Variants in VCL observed in about 807,000 individuals in gnomAD.
The protein encoded by VCL is vinculin.
A neutral mutation model predicts 125.7 loss-of-function variants in VCL; 47 were observed. The ratio of observed to expected loss-of-function variants is 0.37; its 90% CI spans 0.30 to 0.48. The LOEUF (loss-of-function observed/expected upper bound fraction) is 0.48, where lower values mean the gene tolerates loss of function less well. Among genes scored for constraint, VCL ranks in the 20% least tolerant of loss-of-function variants. VCL has a pLI of 0.99. For synonymous variants in VCL, 458 were observed against 514.6 expected, an observed-to-expected ratio of 0.89 and a Z score of 1.49; for missense variants, 1,069 against 1,455.5, an observed-to-expected ratio of 0.73 and a Z score of 4.32.
rs1418474693 is a variant in VCL, at chr10:74,120,094, A to T, written c.*1925A>T. 9 of 151,440 alleles carry T rather than the reference A, an allele frequency of 5.9e-5. No individual in the cohort carries two copies. Among genetic ancestry groups the T allele is most frequent in the African/African-American group, 1.9e-4 (8 of 41,402 alleles). The allele number at this position is 151,440 out of a possible 1,614,324, so 9.4% of individuals were successfully genotyped here. A position where few individuals can be genotyped will look rare whatever the true frequency, so the allele number is the denominator to read the frequency against. ...CTACATTTATAAGCTAGGATTTGTT[A>T]TATGCAAATATTTTCTGCCTCTTCT... On this transcript the variant is annotated 3_prime_UTR_variant, in exon 22 of 22. Transcript: ENST00000211998.
intron 10 of VCL, among the ~76,000 whole-genome samples, chr10:74,093,524 C>CTATA (rs1352385132): frequency 1.3e-5 from 2 of 152,114 alleles, no homozygotes; most frequent in African/African-American, 4.8e-5. Flanking sequence ...TAGGTCATGC[C>CTATA]TATAATCCCA....
intron 18 of VCL, among the ~76,000 whole-genome samples, chr10:74,109,456 T>C (rs1181134952): frequency 6.6e-6 from 1 of 152,240 alleles, no homozygotes; most frequent in Admixed American, 6.5e-5. Context: ...TGGGGTCTTT[T>C]AGAAATTGCT....
At chr10:74,078,301 T>C (rs1839623869) in intron 6 of VCL, among the ~76,000 whole-genome samples, 1 of 152,190 alleles carries the variant, frequency 6.6e-6, no homozygotes, top group African/African-American at 2.4e-5. Context: ...GTGACTCAGA[T>C]GCCTTATACA....
intron 1 of VCL, among the ~76,000 whole-genome samples, chr10:74,000,398 G>T (rs560740695): frequency 6.6e-6 from 1 of 151,420 alleles, no homozygotes; most frequent in South Asian, 2.1e-4. Context: ...CCAAGTAGCT[G>T]AAGGCCTTTG....
rs1313842676 is a variant in VCL, at chr10:74,107,304, C to T, written c.2509C>T (p.Pro837Ser). 1.9e-6 allele frequency: 3 copies of T among 1,614,210 alleles called. No individual in the cohort carries two copies. Among genetic ancestry groups the T allele is most frequent in the Non-Finnish European group, 2.5e-6 (3 of 1,180,034 alleles). ...GGCCAAGGTCAGAGAAGCCTTCCAA[C>T]CTCAGGAGCCTGACTTCCCGCCGCC... is the stretch of plus-strand genomic sequence containing the variant. Reference protein sequence around the residue: ...AVAKVREAFQPQEPDFPPPPP... With the variant: ...AVAKVREAFQSQEPDFPPPPP... The change falls in exon 17 of 22, where the codon CCT becomes TCT. Residue 837 changes from proline to serine, a missense_variant. Pro to Ser is a moderately conservative substitution (Grantham distance 74, BLOSUM62 -1). This residue lies in a region of VCL where 760 missense variants were observed against 928.9 expected (regional missense o/e 0.82). Coordinates refer to ENST00000211998, the MANE Select transcript of VCL (RefSeq NM_014000.3).
At chr10:74,067,381 A>T (rs552719740) in intron 2 of VCL, among the ~76,000 whole-genome samples, 9,460 of 151,942 alleles carry the variant, frequency 0.062, 1,016 homozygotes, top group African/African-American at 0.21. Flanking sequence ...TTTTATTTAA[A>T]AAAAAAAAAA....
intron 1 of VCL, among the ~76,000 whole-genome samples, chr10:74,030,975 C>T (rs1840863607): frequency 6.6e-6 from 1 of 152,116 alleles, no homozygotes; most frequent in Admixed American, 6.6e-5. Flanking sequence ...ACACAAAATC[C>T]ACTAATTTGC....
intron 18 of VCL, among the ~76,000 whole-genome samples, chr10:74,109,366 A>G (rs1054538478): frequency 1.3e-5 from 2 of 152,346 alleles, no homozygotes; most frequent in Non-Finnish European, 2.9e-5. Context: ...TGCAAAAGCC[A>G]GAGTCAGGGT....
chr10:74,018,558 C>G (rs1840603554), intron 1 of VCL, among the ~76,000 whole-genome samples: 1 of 152,102 alleles, frequency 6.6e-6, no homozygotes, highest in Admixed American at 6.6e-5. Context: ...GGAATACCTT[C>G]TGTGCAGAGT....
intron 18 of VCL, among the ~76,000 whole-genome samples, chr10:74,110,229 A>G (rs1840199806): frequency 1.3e-5 from 2 of 152,230 alleles, no homozygotes; most frequent in South Asian, 2.1e-4. Context: ...GGAGGGTGAC[A>G]GTGAAGATTT....
At chr10:74,062,280 G>C (rs1264083555) in intron 2 of VCL, among the ~76,000 whole-genome samples, 1 of 151,486 alleles carries the variant, frequency 6.6e-6, no homozygotes, top group Non-Finnish European at 1.5e-5. Flanking sequence ...GCCCAGGCTG[G>C]TCTTGAACTC....
At chr10:74,070,045 T>C (rs1367320199) in intron 2 of VCL, among the ~76,000 whole-genome samples, 1 of 152,242 alleles carries the variant, frequency 6.6e-6, no homozygotes, top group East Asian at 1.9e-4. Context: ...AATGGTCCAA[T>C]GGATTTATCA....
intron 1 of VCL, among the ~76,000 whole-genome samples, chr10:74,041,558 A>G (rs1313435184): frequency 1.3e-5 from 2 of 152,202 alleles, no homozygotes; most frequent in African/African-American, 4.8e-5. Flanking sequence ...AAAATGACAG[A>G]TAATTGTGTA....
At chr10:74,044,512 CA>C (rs1841158732) in intron 2 of VCL, among the ~76,000 whole-genome samples, 1 of 152,084 alleles carries the variant, frequency 6.6e-6, no homozygotes, top group Non-Finnish European at 1.5e-5. Context: ...TTATACACCC[CA>C]AATTAAGAAC....
At chr10:74,081,080 CTACCATGGT>C (rs1288339953) in intron 6 of VCL, among the ~76,000 whole-genome samples, 3 of 152,170 alleles carry the variant, frequency 2.0e-5, no homozygotes, top group African/African-American at 7.2e-5. Context: ...TTATTGACAG[CTACCATGGT>C]TACATATAAC....
In VCL at chr10:74,101,680, C is replaced by T. The variant is rs1254397794; in HGVS notation, c.2022+583C>T. ...ACGCCATTCTCCTGCCTCAGCCTCC[C>T]GAGTAGCTGGGACTACAGGCGCCCG... On this transcript the variant is annotated intron_variant, in intron 14 of 21. Coordinates refer to ENST00000211998, the MANE Select transcript of VCL (RefSeq NM_014000.3). Among the ~76,000 whole-genome samples the T allele has an allele frequency of 3.6e-4, 54 of 150,948 alleles. 1 individual carries two copies. Among genetic ancestry groups the T allele is most frequent in the Middle Eastern group, 6.8e-3 (2 of 294 alleles).
At chr10:74,116,038 G>T (rs555549022) in intron 21 of VCL, among the ~76,000 whole-genome samples, 1 of 152,168 alleles carries the variant, frequency 6.6e-6, no homozygotes. Context: ...GCCACACGAG[G>T]CTCATCACAC....
At chr10:74,009,900 G>A (rs1388420023) in intron 1 of VCL, among the ~76,000 whole-genome samples, 1 of 151,090 alleles carries the variant, frequency 6.6e-6, no homozygotes, top group South Asian at 2.1e-4. Flanking sequence ...GAACCACTGC[G>A]GCCAGCCACC....
At chr10:74,072,581 A>C in intron 4 of VCL, 149 bp from the exon 5 acceptor site, 1 of 1,078,596 alleles carries the variant, frequency 9.3e-7, no homozygotes, top group Non-Finnish European at 1.4e-6. Flanking sequence ...ATGTTGCATA[A>C]ATTAGAGTTC....
Sources: allele counts gnomAD v4.1 joint callset (sites outside exome capture counted in the v4.1 genomes callset), GRCh38; gene constraint gnomAD v4.1.1; regional missense constraint gnomAD v4.1.1; transcripts MANE v1.5; gene names NCBI Gene and HGNC (gene_info 2026-07-23, HGNC 2026-07-21).